Variants in LRRTM4 observed in about 807,000 individuals in gnomAD.
LRRTM4 encodes leucine rich repeat transmembrane neuronal 4.
A neutral mutation model predicts 47.6 loss-of-function variants in LRRTM4; 25 were observed. The ratio of observed to expected loss-of-function variants is 0.53; its 90% CI spans 0.38 to 0.73. The LOEUF is 0.73. Among genes scored for constraint, LRRTM4 ranks in the 30% least tolerant of loss-of-function variants. The pLI is 0.00. For missense variants in LRRTM4, 638 were observed against 713.4 expected, an observed-to-expected ratio of 0.89 and a Z score of 1.20; for synonymous variants, 311 against 269.5, an observed-to-expected ratio of 1.15 and a Z score of -1.51.
intron 3 of LRRTM4, among the ~76,000 whole-genome samples, chr2:77,007,579 G>A (rs1677702964): frequency 6.6e-6 from 1 of 152,152 alleles, no homozygotes; most frequent in African/African-American, 2.4e-5. Context: ...TAGTGCTTTT[G>A]CTGTCTATAA....
rs1442740409 is a variant in LRRTM4, at chr2:76,775,694, A to G, written c.1552-26778T>C. Among the ~76,000 whole-genome samples the G allele has an allele frequency of 2.0e-5, 3 of 152,274 alleles. 1 individual carries two copies. Among genetic ancestry groups the G allele is most frequent in the African/African-American group, 7.2e-5 (3 of 41,558 alleles). On this transcript the variant is annotated intron_variant, in intron 3 of 3. Coordinates refer to ENST00000409884, the MANE Select transcript of LRRTM4 (RefSeq NM_001134745.3). ...AAATCTGACTACATTTGCACGAAAC[A>G]GTGGAGTTAGCCTATCCCTTCCTAT... is the stretch of plus-strand genomic sequence containing the variant.
chr2:77,219,389 C>A (rs1001773732), intron 3 of LRRTM4, among the ~76,000 whole-genome samples: 4 of 152,056 alleles, frequency 2.6e-5, no homozygotes, highest in African/African-American at 9.7e-5. Context: ...ACAAAAAACA[C>A]CAGAAGGCCT....
At chr2:77,280,696 G>A (rs1218921935) in intron 3 of LRRTM4, among the ~76,000 whole-genome samples, 1 of 151,898 alleles carries the variant, frequency 6.6e-6, no homozygotes, top group African/African-American at 2.4e-5. Flanking sequence ...CTAATATAAA[G>A]GATGTGTATA....
At chr2:77,193,446 G>T (rs1384270910) in intron 3 of LRRTM4, among the ~76,000 whole-genome samples, 3 of 150,844 alleles carry the variant, frequency 2.0e-5, no homozygotes, top group African/African-American at 7.3e-5. Flanking sequence ...CACAATTCTT[G>T]TATTTAAGAA....
intron 3 of LRRTM4, among the ~76,000 whole-genome samples, chr2:77,279,818 C>A (rs1676460260): frequency 6.6e-6 from 1 of 151,790 alleles, no homozygotes; most frequent in Admixed American, 6.6e-5. Context: ...AAGAGAGAGG[C>A]AGGACATATT....
chr2:76,779,176 T>G (rs1332975496), intron 3 of LRRTM4, among the ~76,000 whole-genome samples: 2 of 152,092 alleles, frequency 1.3e-5, no homozygotes, highest in Admixed American at 1.3e-4. Context: ...GAGCTTTACT[T>G]CCAAGTATGT....
intron 3 of LRRTM4, among the ~76,000 whole-genome samples, chr2:77,351,296 T>C (rs1367398601): frequency 6.6e-6 from 1 of 151,754 alleles, no homozygotes; most frequent in African/African-American, 2.4e-5. Flanking sequence ...CACATAAAAT[T>C]CAGAAAGAGA....
At chr2:76,796,915 A>C (rs554262737) in intron 3 of LRRTM4, among the ~76,000 whole-genome samples, 1 of 152,066 alleles carries the variant, frequency 6.6e-6, no homozygotes, top group Non-Finnish European at 1.5e-5. Flanking sequence ...AGTTTAGAGA[A>C]AAAAGAATAA....
intron 3 of LRRTM4, among the ~76,000 whole-genome samples, chr2:77,067,285 G>C (rs1477695763): frequency 6.6e-6 from 1 of 151,998 alleles, no homozygotes; most frequent in Admixed American, 6.6e-5. Context: ...GAAAACTAAA[G>C]GAATTTCTAA....
At chr2:77,364,707 G>A (rs1672375038) in intron 3 of LRRTM4, among the ~76,000 whole-genome samples, 1 of 151,962 alleles carries the variant, frequency 6.6e-6, no homozygotes, top group Non-Finnish European at 1.5e-5. Context: ...GCAGTCTAAC[G>A]AAATCCATTC....
intron 3 of LRRTM4, among the ~76,000 whole-genome samples, chr2:77,351,536 T>C (rs964856354): frequency 2.0e-5 from 3 of 151,230 alleles, no homozygotes; most frequent in African/African-American, 7.3e-5. Context: ...CCAAATGATT[T>C]GGAAACATTT....
intron 3 of LRRTM4, among the ~76,000 whole-genome samples, chr2:77,151,512 A>G (rs1203094808): frequency 6.6e-6 from 1 of 152,232 alleles, no homozygotes; most frequent in Non-Finnish European, 1.5e-5. Flanking sequence ...ATAATAGCCA[A>G]AATGTGGAAC....
rs148334142 is a variant in LRRTM4, at chr2:77,226,005, C to T, written c.1551+292313G>A. ...AAATAAAGAACGTAAAAAATGTGTACATGTTTTATTTAATATTAAAAATAT... is the reference window on the plus strand; with the variant it reads ...AAATAAAGAACGTAAAAAATGTGTATATGTTTTATTTAATATTAAAAATAT... On this transcript the variant is annotated intron_variant, in intron 3 of 3. Transcript: ENST00000409884. Among the ~76,000 whole-genome samples the T allele has an allele frequency of 5.9e-5, 9 of 151,688 alleles. 1 individual carries two copies. In the East Asian group the frequency reaches 1.6e-3, roughly 26 times the overall value.
At chr2:76,774,277 T>C (rs1490627585) in intron 3 of LRRTM4, among the ~76,000 whole-genome samples, 1 of 152,014 alleles carries the variant, frequency 6.6e-6, no homozygotes, top group Admixed American at 6.6e-5. Context: ...TTCCAACTTC[T>C]GACTCCCCGG....
At chr2:77,059,666 A>G (rs967072283) in intron 3 of LRRTM4, among the ~76,000 whole-genome samples, 4 of 152,320 alleles carry the variant, frequency 2.6e-5, no homozygotes, top group Middle Eastern at 3.4e-3. Flanking sequence ...TGTACCAAGT[A>G]ATTAACTCAC....
intron 3 of LRRTM4, among the ~76,000 whole-genome samples, chr2:76,808,254 G>A (rs1036118552): frequency 5.3e-5 from 8 of 151,972 alleles, no homozygotes; most frequent in South Asian, 2.1e-4. Context: ...TCCTGACTTC[G>A]TGATCCGCCT....
chr2:76,935,155 G>A, intron 3 of LRRTM4, among the ~76,000 whole-genome samples: 1 of 152,150 alleles, frequency 6.6e-6, no homozygotes, highest in East Asian at 1.9e-4. Flanking sequence ...ACATTGTGTA[G>A]TGTAAGTAAT....
intron 3 of LRRTM4, among the ~76,000 whole-genome samples, chr2:77,409,317 A>G (rs1237454143): frequency 6.6e-6 from 1 of 152,166 alleles, no homozygotes; most frequent in East Asian, 1.9e-4. Context: ...TTACGGTTCT[A>G]GAGGGTGGAA....
intron 3 of LRRTM4, among the ~76,000 whole-genome samples, chr2:77,232,498 A>T (rs1674992887): frequency 6.6e-6 from 1 of 152,108 alleles, no homozygotes; most frequent in Admixed American, 6.6e-5. Flanking sequence ...GAGCCTCACA[A>T]TTTTCTCTTG....
Sources: allele counts gnomAD v4.1 joint callset (sites outside exome capture counted in the v4.1 genomes callset), GRCh38; gene constraint gnomAD v4.1.1; transcripts MANE v1.5; gene names NCBI Gene and HGNC (gene_info 2026-07-23, HGNC 2026-07-21).